Variants in CREM observed in about 807,000 individuals in gnomAD.
CREM encodes the protein cAMP responsive element modulator.
A neutral mutation model predicts 37.3 loss-of-function variants in CREM; 13 were observed. That is an observed-to-expected ratio of 0.35 (90% CI 0.23 to 0.55). The LOEUF is 0.55. Ranked by LOEUF, CREM falls within the 20% of genes least tolerant of loss-of-function variation. The pLI is 0.88. For missense variants in CREM, 296 were observed against 362.3 expected, an observed-to-expected ratio of 0.82 and a Z score of 1.49; for synonymous variants, 124 against 120.2, an observed-to-expected ratio of 1.03 and a Z score of -0.21.
intron 5 of CREM, among the ~76,000 whole-genome samples, 160 bp from the exon 6 acceptor site, chr10:35,188,040 A>G (rs945775699): frequency 6.6e-6 from 1 of 152,262 alleles, no homozygotes; most frequent in Non-Finnish European, 1.5e-5. Flanking sequence ...GTATCGTCCC[A>G]TGACGAAGCT....
In CREM at chr10:35,160,369, G is replaced by T. The variant is rs2136348709; in HGVS notation, c.168+11878G>T. On this transcript the variant is annotated intron_variant, in intron 3 of 7. Transcript: ENST00000685392. ...GCCAGCGAGTGGGCAGTGAGGGAAT[G>T]TGAAGGCCTAGGACATTATTGTACA... Among the ~76,000 whole-genome samples the T allele has an allele frequency of 2.6e-5, 4 of 152,236 alleles. No individual in the cohort carries two copies. In the South Asian group the frequency reaches 8.3e-4, roughly 32 times the overall value.
chr10:35,201,860 A>C (rs902643967), intron 6 of CREM, among the ~76,000 whole-genome samples: 2 of 152,182 alleles, frequency 1.3e-5, no homozygotes, highest in African/African-American at 4.8e-5. Flanking sequence ...TAATAATGTA[A>C]GTTTATAAGA....
At chr10:35,184,216 C>T (rs2094462154) in intron 5 of CREM, among the ~76,000 whole-genome samples, 1 of 152,120 alleles carries the variant, frequency 6.6e-6, no homozygotes, top group South Asian at 2.1e-4. Context: ...AGACCAATAT[C>T]AGGATGTGGG....
chr10:35,185,988 CT>C lies in CREM; in HGVS notation c.410-2206del, dbSNP rs1187675406. The stretch of plus-strand genomic sequence containing the variant: ...GTCCTATCAGGTTATCGCCTAAGTG[CT>C]TTTTTGCCTAGATGCCTTTAAAAAC... On this transcript the variant is annotated intron_variant, in intron 5 of 7. Transcript: ENST00000685392. 3.3e-5 allele frequency among the ~76,000 whole-genome samples: 5 copies of C among 152,290 alleles called. No individual in the cohort carries two copies. The East Asian group carries it at 9.7e-4, about 29-fold the overall frequency.
intron 7 of CREM, 92 bp from the exon 8 acceptor site, chr10:35,211,162 G>A: frequency 7.2e-7 from 1 of 1,393,802 alleles, no homozygotes; most frequent in Non-Finnish European, 9.8e-7. Flanking sequence ...GGATCGATTG[G>A]CTGTTGAGTT....
Position 35,167,983 on chromosome 10 carries a change from CT to C in CREM, c.169-10899del, listed in dbSNP as rs377504145. 6.1e-3 allele frequency among the ~76,000 whole-genome samples: 924 copies of C among 152,176 alleles called. 11 individuals carry two copies. The highest frequency in any genetic ancestry group is 0.021 in the African/African-American group (865 of 41,528). On this transcript the variant is annotated intron_variant, in intron 3 of 7. Coordinates refer to ENST00000685392, the MANE Select transcript of CREM (RefSeq NM_183011.2). ...TCCCTACAAAGGACATGAACTCATC[CT>C]TTTTTTATGGCTGCATAGTATTCCA...
intron 3 of CREM, among the ~76,000 whole-genome samples, chr10:35,169,369 G>A (rs2093695629): frequency 6.6e-6 from 1 of 152,158 alleles, no homozygotes. Flanking sequence ...AATTGTGAAT[G>A]GGAGTTCACT....
intron 3 of CREM, among the ~76,000 whole-genome samples, chr10:35,150,113 A>G (rs932468353): frequency 2.6e-5 from 4 of 152,006 alleles, no homozygotes; most frequent in South Asian, 4.2e-4. Context: ...TTTTCTCATG[A>G]TTTTGGGATT....
intron 3 of CREM, among the ~76,000 whole-genome samples, chr10:35,148,849 G>A (rs1290251533): frequency 6.6e-6 from 1 of 152,108 alleles, no homozygotes; most frequent in Non-Finnish European, 1.5e-5. Flanking sequence ...GTATATATTT[G>A]TCTTAATCAT....
chr10:35,185,884 T>C (rs2094536959), intron 5 of CREM, among the ~76,000 whole-genome samples: 1 of 152,220 alleles, frequency 6.6e-6, no homozygotes, highest in Admixed American at 6.5e-5. Context: ...TAATCTATCT[T>C]CCTGTGTAGA....
rs142603192 is a variant in CREM, at chr10:35,176,251, G to A, written c.169-2638G>A. On this transcript the variant is annotated intron_variant, in intron 3 of 7. Coordinates refer to ENST00000685392, the MANE Select transcript of CREM (RefSeq NM_183011.2). ...GAGTAATTGCAGATGAGCAGTTCAT[G>A]TCTTCTTCACTTTGTTGTTCTGTGT... 1.6e-3 allele frequency among the ~76,000 whole-genome samples: 237 copies of A among 152,254 alleles called. 7 individuals are homozygous for A. In the East Asian group the frequency reaches 0.042, roughly 27 times the overall value.
At chr10:35,181,650 G>A (rs995619831) in intron 5 of CREM, among the ~76,000 whole-genome samples, 1 of 152,132 alleles carries the variant, frequency 6.6e-6, no homozygotes, top group African/African-American at 2.4e-5. Flanking sequence ...AGGCAATGAG[G>A]GTTGCTTGAG....
chr10:35,189,489 C>T (rs571479869), intron 6 of CREM, among the ~76,000 whole-genome samples: 202 of 150,810 alleles, frequency 1.3e-3, no homozygotes, highest in South Asian at 2.3e-3. Context: ...AATTTGCTTG[C>T]TTGTTTGTTT....
In CREM at chr10:35,202,730, G is replaced by A. The variant is rs145834187; in HGVS notation, c.599-4165G>A. On this transcript the variant is annotated intron_variant, in intron 6 of 7. Coordinates refer to ENST00000685392, the MANE Select transcript of CREM (RefSeq NM_183011.2). Reference sequence around the variant, plus strand: ...ACTCCTGTTTCTGGCTTGAACTAATGCGCTTGTCATTTTGATTTTATTGAG... The same window carrying A: ...ACTCCTGTTTCTGGCTTGAACTAATACGCTTGTCATTTTGATTTTATTGAG... 3.7e-3 allele frequency among the ~76,000 whole-genome samples: 568 copies of A among 152,146 alleles called. 2 individuals are homozygous for A. Among genetic ancestry groups the A allele is most frequent in the African/African-American group, 0.013 (539 of 41,500 alleles).
intron 5 of CREM, among the ~76,000 whole-genome samples, chr10:35,181,490 C>A (rs918035168): frequency 6.6e-6 from 1 of 152,160 alleles, no homozygotes; most frequent in African/African-American, 2.4e-5. Context: ...AGGGGGCTGG[C>A]CTTAAACCTC....
At chr10:35,131,858 C>G (rs2089441945) in intron 1 of CREM, among the ~76,000 whole-genome samples, 1 of 152,020 alleles carries the variant, frequency 6.6e-6, no homozygotes, top group African/African-American at 2.4e-5. Context: ...CTATTGAAAA[C>G]AAAACAAAAC....
At chr10:35,148,281 G>A (rs1048796061) in intron 2 of CREM, 87 bp from the exon 3 acceptor site, 13 of 1,323,482 alleles carry the variant, frequency 9.8e-6, no homozygotes, top group Middle Eastern at 2.2e-4. Context: ...TTCAGATTTT[G>A]GATTTTTGGA....
intron 2 of CREM, among the ~76,000 whole-genome samples, chr10:35,138,420 C>T (rs1198331793): frequency 6.6e-6 from 1 of 151,982 alleles, no homozygotes; most frequent in Non-Finnish European, 1.5e-5. Context: ...CTTCCTTTTC[C>T]AATTGGATTC....
intron 3 of CREM, among the ~76,000 whole-genome samples, chr10:35,171,764 C>G (rs186480723): frequency 6.6e-6 from 1 of 152,138 alleles, no homozygotes; most frequent in South Asian, 2.1e-4. Context: ...ATTCTATGTA[C>G]TTGGAAAAAA....
Sources: allele counts gnomAD v4.1 joint callset (sites outside exome capture counted in the v4.1 genomes callset), GRCh38; gene constraint gnomAD v4.1.1; transcripts MANE v1.5; gene names NCBI Gene and HGNC (gene_info 2026-07-23, HGNC 2026-07-21).